Variants in E2F6 observed in about 807,000 individuals in gnomAD.
E2F6 encodes the protein E2F transcription factor 6.
A neutral mutation model predicts 31.5 loss-of-function variants in E2F6; 19 were observed. That is an observed-to-expected ratio of 0.60 (90% CI 0.42 to 0.89). The LOEUF (loss-of-function observed/expected upper bound fraction) is 0.89, where lower values mean the gene tolerates loss of function less well. E2F6 is among the 40% of genes least tolerant of loss of function. The pLI is 0.00. For synonymous variants in E2F6, 121 were observed against 127.7 expected (o/e 0.95, Z 0.36); for missense variants, 269 against 341.6 (o/e 0.79, Z 1.67).
rs767057682 is a variant in E2F6 at position 11,447,733 on chromosome 2, G to C, written c.693C>G (p.Ile231Met). 3 of 1,612,094 alleles carry C rather than the reference G, an allele frequency of 1.9e-6. No homozygotes were observed. Among genetic ancestry groups the C allele is most frequent in the South Asian group, 1.1e-5 (1 of 90,998 alleles). Residue 231 changes from isoleucine to methionine, a missense_variant, in exon 6 of 7, where the codon ATC becomes ATG. Coordinates refer to ENST00000381525, the MANE Select transcript of E2F6 (RefSeq NM_198256.4). ...GCTCCACTTCACACAAATAGACATC[G>C]ATAGGTCCGTTGGTGCTCCTTATGT... is the stretch of plus-strand genomic sequence containing the variant. Reference protein sequence around the residue: ...TVHIRSTNGPIDVYLCEVEQG... With the variant: ...TVHIRSTNGPMDVYLCEVEQG...
At chr2:11,455,886 G>A (rs1253451247) in intron 2 of E2F6, among the ~76,000 whole-genome samples, 1 of 152,194 alleles carries the variant, frequency 6.6e-6, no homozygotes, top group Non-Finnish European at 1.5e-5. Flanking sequence ...CTTGATGGGA[G>A]TACACTGGGC....
chr2:11,465,903 C>G lies in E2F6; in HGVS notation c.-24G>C. On this transcript the variant is annotated 5_prime_UTR_variant, in exon 1 of 7. Transcript: ENST00000381525. ...ATGCTGCCCGGCCGGGCGTCCTGCT[C>G]CCCTCGCACCCCACGAGCTCTCCCG... is the stretch of plus-strand genomic sequence containing the variant. 1.3e-6 allele frequency: 2 copies of G among 1,513,344 alleles called. No homozygotes were observed. Among genetic ancestry groups the G allele is most frequent in the Non-Finnish European group, 1.8e-6 (2 of 1,127,190 alleles). 93.7% of individuals were successfully genotyped at this position (1,513,344 alleles called of 1,614,324 possible). A position where few individuals can be genotyped will look rare whatever the true frequency, so the allele number is the denominator to read the frequency against.
chr2:11,462,090 C>T (rs1472633423), intron 1 of E2F6, among the ~76,000 whole-genome samples: 10 of 152,104 alleles, frequency 6.6e-5, no homozygotes, highest in Non-Finnish European at 1.5e-4. Flanking sequence ...GAATCAATTC[C>T]AAAAACCCCA....
rs913761244 is a variant in E2F6, at chr2:11,455,206, G to A, written c.164-1408C>T. The A allele has an allele frequency of 5.9e-6, 4 of 679,196 alleles. No individual in the cohort carries two copies. In the African/African-American group the frequency reaches 7.8e-5, roughly 13 times the overall value. 42.1% of individuals were successfully genotyped at this position (679,196 alleles called of 1,614,324 possible). On this transcript the variant is annotated intron_variant, in intron 2 of 6. Coordinates refer to ENST00000381525, the MANE Select transcript of E2F6 (RefSeq NM_198256.4). ...TTTTCCAATTTGATACTAAGAAAAA[G>A]TTCTTATGGCTTGGTTTGCAGAAAA...
At chr2:11,459,824 C>G (rs1161895051) in intron 1 of E2F6, among the ~76,000 whole-genome samples, 1 of 151,798 alleles carries the variant, frequency 6.6e-6, no homozygotes, top group African/African-American at 2.4e-5. Context: ...GCAGGGGTTG[C>G]AGTGAGCTGA....
In E2F6 at chr2:11,445,821, T is replaced by A. The variant is rs1210352789; in HGVS notation, c.*656A>T. On this transcript the variant is annotated 3_prime_UTR_variant, in exon 7 of 7. Coordinates refer to ENST00000381525, the MANE Select transcript of E2F6 (RefSeq NM_198256.4). ...CTTTAATTAAATCCACAAACATAAATGTGTAGCACATTTATGATACTTCTA... is the reference window on the plus strand; with the variant it reads ...CTTTAATTAAATCCACAAACATAAAAGTGTAGCACATTTATGATACTTCTA... The A allele has an allele frequency of 6.6e-6, 1 of 151,042 alleles. No homozygotes were observed. The highest frequency in any genetic ancestry group is 6.6e-5 in the Admixed American group (1 of 15,122). The allele number at this position is 151,042 out of a possible 1,614,324, so 9.4% of individuals were successfully genotyped here.
intron 3 of E2F6, among the ~76,000 whole-genome samples, chr2:11,452,653 T>C (rs962377046): frequency 2.0e-5 from 3 of 152,030 alleles, no homozygotes; most frequent in African/African-American, 7.2e-5. Context: ...TAGTGCCTAC[T>C]CCAATATGAT....
chr2:11,448,069 C>T (rs139779636), intron 5 of E2F6, among the ~76,000 whole-genome samples: 1,551 of 152,260 alleles, frequency 0.01, 4 homozygotes, highest in Middle Eastern at 0.031. Context: ...CACAGAACTC[C>T]AGAATACCCT....
At chr2:11,447,342 G>A (rs764720487) in intron 6 of E2F6, among the ~76,000 whole-genome samples, 46 of 152,276 alleles carry the variant, frequency 3.0e-4, no homozygotes, top group Admixed American at 1.2e-3. Flanking sequence ...CTCTTTGGCC[G>A]AGTGGAGCTG....
chr2:11,453,198 A>G (rs762687217), intron 3 of E2F6, among the ~76,000 whole-genome samples: 7 of 151,722 alleles, frequency 4.6e-5, no homozygotes, highest in Admixed American at 4.6e-4. Context: ...TATTCAGGGC[A>G]GTATTTTAAA....
intron 4 of E2F6, 52 bp downstream of exon 4, chr2:11,451,599 G>C: frequency 6.6e-7 from 1 of 1,523,842 alleles, no homozygotes; most frequent in Non-Finnish European, 8.8e-7. Flanking sequence ...TACTACTTAA[G>C]TAATCTGTTT....
intron 1 of E2F6, among the ~76,000 whole-genome samples, chr2:11,464,414 G>A (rs1232666871): frequency 6.6e-6 from 1 of 151,520 alleles, no homozygotes; most frequent in South Asian, 2.1e-4. Context: ...CTACTCAGGA[G>A]GCTGAGGCAG....
At chr2:11,463,948 C>CGGGTGGGG (rs1553336588) in intron 1 of E2F6, among the ~76,000 whole-genome samples, 17 of 71,688 alleles carry the variant, frequency 2.4e-4, no homozygotes, top group African/African-American at 8.3e-4. Context: ...GATCCTGCAC[C>CGGGTGGGG]GGGGGGGGGG....
intron 1 of E2F6, among the ~76,000 whole-genome samples, chr2:11,464,214 C>G (rs1285214519): frequency 6.6e-6 from 1 of 152,028 alleles, no homozygotes; most frequent in Non-Finnish European, 1.5e-5. Flanking sequence ...AAGAGGCCAT[C>G]AAGTGGAAAC....
chr2:11,458,871 A>G (rs1287953975), intron 1 of E2F6, among the ~76,000 whole-genome samples: 1 of 152,148 alleles, frequency 6.6e-6, no homozygotes, highest in Non-Finnish European at 1.5e-5. Flanking sequence ...GCAACACTGG[A>G]GCTGGGAATG....
rs1005555122 is a variant in E2F6, at chr2:11,445,504, G to C, written c.*973C>G. 1.3e-5 allele frequency: 2 copies of C among 152,516 alleles called. No homozygotes were observed. Among genetic ancestry groups the C allele is most frequent in the Non-Finnish European group, 2.9e-5 (2 of 68,028 alleles). The allele number at this position is 152,516 out of a possible 1,614,324, so 9.4% of individuals were successfully genotyped here. On this transcript the variant is annotated 3_prime_UTR_variant, in exon 7 of 7. Coordinates refer to ENST00000381525, the MANE Select transcript of E2F6 (RefSeq NM_198256.4). ...AAATGTGGGAGCAGAGCTGGAGAGA[G>C]GGCAAGGTACAACTTGTCCTAAGTA...
intron 3 of E2F6, among the ~76,000 whole-genome samples, chr2:11,452,627 T>C (rs577022628): frequency 4.6e-5 from 7 of 151,842 alleles, no homozygotes; most frequent in Non-Finnish European, 1.0e-4. Context: ...AAAAAAGACA[T>C]ATTTTCTTTA....
At chr2:11,449,340 C>A (rs914002416) in intron 5 of E2F6, among the ~76,000 whole-genome samples, 1 of 152,114 alleles carries the variant, frequency 6.6e-6, no homozygotes, top group African/African-American at 2.4e-5. Context: ...AGGAGGCAAA[C>A]CCCCAGGGCA....
chr2:11,452,208 G>A (rs1271367955), intron 3 of E2F6, among the ~76,000 whole-genome samples: 1 of 152,168 alleles, frequency 6.6e-6, no homozygotes, highest in African/African-American at 2.4e-5. Flanking sequence ...CATAGGGTGG[G>A]CTAAATGACA....
Sources: allele counts gnomAD v4.1 joint callset (sites outside exome capture counted in the v4.1 genomes callset), GRCh38; gene constraint gnomAD v4.1.1; transcripts MANE v1.5; gene names NCBI Gene and HGNC (gene_info 2026-07-23, HGNC 2026-07-21).